The following ROR1 variants were observed in gnomAD, a reference collection of about 807,000 sequenced individuals.
ROR1 encodes the protein ROR family WNT receptor 1.
In ROR1, 19 loss-of-function variants were observed where a neutral mutation model predicts 78.8. The observed-to-expected ratio is 0.24, with a 90% CI of 0.17 to 0.35. The LOEUF (loss-of-function observed/expected upper bound fraction) is 0.35, where lower values mean the gene tolerates loss of function less well. ROR1 is among the 10% of genes least tolerant of loss of function. The probability of loss-of-function intolerance (pLI) is 1.00; values close to 1 mark genes in which losing one functional copy is unlikely to be tolerated. For synonymous variants in ROR1, 386 were observed against 433.6 expected, an observed-to-expected ratio of 0.89 and a Z score of 1.36; for missense variants, 917 against 1,177.8, an observed-to-expected ratio of 0.78 and a Z score of 3.24.
intron 1 of ROR1, among the ~76,000 whole-genome samples, chr1:63,833,440 A>C (rs957595930): frequency 1.3e-5 from 2 of 152,206 alleles, no homozygotes; most frequent in Non-Finnish European, 2.9e-5. Flanking sequence ...TGATCTTTAA[A>C]TAGTTAGAGG....
At chr1:63,787,343 T>C (rs1644694748) in intron 1 of ROR1, among the ~76,000 whole-genome samples, 2 of 152,198 alleles carry the variant, frequency 1.3e-5, no homozygotes. Flanking sequence ...CACTGTCAAG[T>C]ATTAAGCATT....
At chr1:64,010,955 T>G (rs1646470463) in intron 2 of ROR1, among the ~76,000 whole-genome samples, 1 of 152,182 alleles carries the variant, frequency 6.6e-6, no homozygotes, top group Non-Finnish European at 1.5e-5. Context: ...TACCCAGTCT[T>G]GGGCAGTTCT....
chr1:64,084,981 A>G (rs1235127733), intron 4 of ROR1, among the ~76,000 whole-genome samples: 1 of 152,220 alleles, frequency 6.6e-6, no homozygotes, highest in Non-Finnish European at 1.5e-5. Flanking sequence ...AATTTTATGA[A>G]TAATCTTTCT....
intron 4 of ROR1, chr1:64,113,644 A>G (rs6701483): frequency 0.13 from 20,359 of 152,030 alleles, 1,485 homozygotes; most frequent in African/African-American, 0.18. Flanking sequence ...GAACAATTAC[A>G]AGTGTGTCTG....
chr1:64,099,042 A>G (rs1436472038), intron 4 of ROR1, among the ~76,000 whole-genome samples: 1 of 152,178 alleles, frequency 6.6e-6, no homozygotes, highest in Non-Finnish European at 1.5e-5. Context: ...GAGATACACC[A>G]GGAAGTGAAG....
intron 1 of ROR1, among the ~76,000 whole-genome samples, chr1:63,964,818 ACTGTGT>A (rs1646060277): frequency 1.3e-5 from 2 of 152,304 alleles, no homozygotes; most frequent in South Asian, 4.1e-4. Context: ...CATTTCACCT[ACTGTGT>A]CTGAGCACCT....
At position 63,911,839 on chromosome 1, in the gene ROR1, G is replaced by A. The variant is rs116963484; in HGVS notation, c.92-97466G>A. On this transcript the variant is annotated intron_variant, in intron 1 of 8. Coordinates refer to ENST00000371079, the MANE Select transcript of ROR1 (RefSeq NM_005012.4). ...GTACAAGAGATATGCTGAGGGGCAT[G>A]GGGAAGGAATTCCTTCCTTCTCAAG... 1.1e-4 allele frequency among the ~76,000 whole-genome samples: 17 copies of A among 152,246 alleles called. No individual in the cohort carries two copies. In the East Asian group the frequency reaches 3.1e-3, roughly 28 times the overall value.
chr1:63,800,350 A>G (rs1249501794), intron 1 of ROR1, among the ~76,000 whole-genome samples: 2 of 152,030 alleles, frequency 1.3e-5, no homozygotes, highest in Admixed American at 1.3e-4. Flanking sequence ...TGTACTTTTA[A>G]TTTGAGATTA....
chr1:64,018,042 C>G (rs2100553304), intron 2 of ROR1, among the ~76,000 whole-genome samples: 1 of 152,226 alleles, frequency 6.6e-6, no homozygotes, highest in East Asian at 1.9e-4. Context: ...GGATTTAAGC[C>G]TATCTCCTCC....
At chr1:64,145,441 G>A (rs1462070563) in intron 7 of ROR1, among the ~76,000 whole-genome samples, 3 of 152,136 alleles carry the variant, frequency 2.0e-5, no homozygotes, top group South Asian at 2.1e-4. Flanking sequence ...GACTTTACTT[G>A]CAAAATGGTT....
In ROR1 at chr1:64,173,828, G is replaced by A. The variant is rs751682122; in HGVS notation, c.1387-3600G>A. On this transcript the variant is annotated intron_variant, in intron 8 of 8. Coordinates refer to ENST00000371079, the MANE Select transcript of ROR1 (RefSeq NM_005012.4). ...CCACCTCCAGAAGTTTGGCTGGCTT[G>A]CTTCCTTTACCCATCTGCTACCATC... Among the ~76,000 whole-genome samples the A allele has an allele frequency of 2.6e-5, 4 of 152,262 alleles. No individual in the cohort carries two copies. The South Asian group carries it at 6.2e-4, about 24-fold the overall frequency.
chr1:64,003,822 G>A (rs900738346), intron 1 of ROR1, among the ~76,000 whole-genome samples: 1 of 152,222 alleles, frequency 6.6e-6, no homozygotes, highest in African/African-American at 2.4e-5. Flanking sequence ...CTAGGGAGAG[G>A]AAAGAAACAG....
intron 4 of ROR1, among the ~76,000 whole-genome samples, chr1:64,078,959 G>C (rs1647075601): frequency 6.6e-6 from 1 of 152,160 alleles, no homozygotes; most frequent in South Asian, 2.1e-4. Flanking sequence ...AAAGGAGGAG[G>C]AGGAAAATGA....
At position 63,950,294 on chromosome 1, in the gene ROR1, G is replaced by T. The variant is rs190547388; in HGVS notation, c.92-59011G>T. On this transcript the variant is annotated intron_variant, in intron 1 of 8. Transcript: ENST00000371079. ...GGCTGCTGTTTGGCTGTTTTTAACG[G>T]TTATTTCTTGATCATATGATATATT... 3.4e-3 allele frequency among the ~76,000 whole-genome samples: 518 copies of T among 152,312 alleles called. 5 individuals carry two copies. The highest frequency in any genetic ancestry group is 0.012 in the African/African-American group (498 of 41,560).
Position 63,774,860 on chromosome 1 carries a change from AGC to A in ROR1, c.91+357_91+358del, listed in dbSNP as rs779179427. 1.3e-5 allele frequency among the ~76,000 whole-genome samples: 2 copies of A among 152,096 alleles called. No individual in the cohort carries two copies. The highest frequency in any genetic ancestry group is 2.9e-5 in the Non-Finnish European group (2 of 67,966). ...TCCCCCCTTGTCTCCCTGGACCTCT[AGC>A]GCGCCCCAGCCGGTGTTCAGGCAAG... On this transcript the variant is annotated intron_variant, in intron 1 of 8. Coordinates refer to ENST00000371079, the MANE Select transcript of ROR1 (RefSeq NM_005012.4). This position sits in a 1 kb window ranked among gnomAD's most constrained non-coding sequence, Gnocchi z 5.7.
At chr1:63,802,472 C>A (rs921596836) in intron 1 of ROR1, among the ~76,000 whole-genome samples, 44 of 152,150 alleles carry the variant, frequency 2.9e-4, no homozygotes, top group African/African-American at 9.9e-4. Flanking sequence ...TTACAATGCT[C>A]ATGAAATAAG....
At chr1:64,147,439 A>T (rs763371464) in intron 7 of ROR1, among the ~76,000 whole-genome samples, 7 of 152,182 alleles carry the variant, frequency 4.6e-5, no homozygotes, top group Non-Finnish European at 8.8e-5. Context: ...CCACGAATAT[A>T]TCCATTAAAG....
chr1:64,144,539 C>T (rs1240619837), intron 7 of ROR1, among the ~76,000 whole-genome samples: 1 of 152,208 alleles, frequency 6.6e-6, no homozygotes, highest in Non-Finnish European at 1.5e-5. Flanking sequence ...AACTGAGTGG[C>T]TACCATGTGC....
chr1:63,834,021 A>T (rs868723667), intron 1 of ROR1, among the ~76,000 whole-genome samples: 1 of 141,724 alleles, frequency 7.1e-6, no homozygotes, highest in African/African-American at 2.7e-5. Context: ...GTTTGTTTCC[A>T]ACTCAGGGAA....
Sources: allele counts gnomAD v4.1 joint callset (sites outside exome capture counted in the v4.1 genomes callset), GRCh38; gene constraint gnomAD v4.1.1; non-coding constraint Gnocchi (gnomAD v3.1); transcripts MANE v1.5; gene names NCBI Gene and HGNC (gene_info 2026-07-23, HGNC 2026-07-21).